The following SLIT3 variants were observed in gnomAD, a reference collection of about 807,000 sequenced individuals.
The protein encoded by SLIT3 is slit homolog 3 protein.
Under a neutral mutation model 184.0 loss-of-function variants are expected in SLIT3, and 68 were observed. That is an observed-to-expected ratio of 0.37 (90% confidence interval 0.30 to 0.45). The LOEUF (loss-of-function observed/expected upper bound fraction) is 0.45. Among genes scored for constraint, SLIT3 ranks in the 20% least tolerant of loss-of-function variants. The probability of loss-of-function intolerance (pLI) is 1.00; values close to 1 mark genes in which losing one functional copy is unlikely to be tolerated. For synonymous variants in SLIT3, 831 were observed against 828.6 expected (o/e 1.00, Z -0.05); for missense variants, 1,707 against 2,026.0 (o/e 0.84, Z 3.02).
rs779494640 is a variant in SLIT3, at chr5:168,671,292, A to G, written c.4033T>C (p.Ser1345Pro). The G allele has an allele frequency of 3.7e-6, 6 of 1,613,752 alleles. No homozygotes were observed. The East Asian group carries it at 1.3e-4, about 36-fold the overall frequency. ...CTVCKHGLCRSVEKDSVVCEC... is the reference protein window; with the variant it reads ...CTVCKHGLCRPVEKDSVVCEC... ...CACACCACGCTGTCCTTCTCCACGG[A>G]GCGGCACAGGCCGTGCTTGCACACG... Residue 1345 changes from serine (S) to proline (P), a missense_variant, in exon 34 of 36, where the codon TCC (serine) becomes CCC (proline). Ser to Pro is a moderately conservative substitution (Grantham distance 74). This residue lies in a region of SLIT3 where 387 missense variants were observed against 477.9 expected (regional missense o/e 0.81). Coordinates refer to ENST00000519560, the MANE Select transcript of SLIT3 (RefSeq NM_003062.4).
intron 1 of SLIT3, among the ~76,000 whole-genome samples, chr5:169,291,694 C>T (rs1170987961): frequency 6.6e-6 from 1 of 152,178 alleles, no homozygotes; most frequent in Non-Finnish European, 1.5e-5. Context: ...AAGTTGAACT[C>T]ATCATGTTTG....
chr5:168,921,979 T>G (rs568475950), intron 4 of SLIT3, among the ~76,000 whole-genome samples: 2 of 152,306 alleles, frequency 1.3e-5, no homozygotes, highest in East Asian at 3.9e-4. Flanking sequence ...TGCCATATCC[T>G]AAATGCATTA....
At chr5:169,271,577 T>C (rs78809458) in intron 1 of SLIT3, among the ~76,000 whole-genome samples, 9,732 of 152,168 alleles carry the variant, frequency 0.064, 523 homozygotes, top group Admixed American at 0.18. Flanking sequence ...GCAGGAACAA[T>C]TTCACCGCAA....
chr5:169,211,141 A>G (rs1764253149), intron 3 of SLIT3, among the ~76,000 whole-genome samples: 2 of 152,306 alleles, frequency 1.3e-5, no homozygotes, highest in South Asian at 4.1e-4. Flanking sequence ...AGCCCAGCTA[A>G]GACCATCTGA....
chr5:169,009,649 C>T (rs1756065370), intron 4 of SLIT3, among the ~76,000 whole-genome samples: 3 of 152,222 alleles, frequency 2.0e-5, no homozygotes, highest in Admixed American at 6.5e-5. Context: ...TACATCCTAA[C>T]GTCATGTTAA....
chr5:169,105,495 G>A (rs1453252249), intron 4 of SLIT3, among the ~76,000 whole-genome samples: 3 of 152,202 alleles, frequency 2.0e-5, no homozygotes, highest in African/African-American at 4.8e-5. Context: ...CTCGTCCAAA[G>A]TCACGCCAAG....
chr5:169,030,915 G>A (rs935327004), intron 4 of SLIT3, among the ~76,000 whole-genome samples: 1 of 152,130 alleles, frequency 6.6e-6, no homozygotes, highest in South Asian at 2.1e-4. Context: ...TTAGATATGT[G>A]GTTTTAAAAT....
At position 169,156,690 on chromosome 5, in the gene SLIT3, C is replaced by T. The variant is rs540234208; in HGVS notation, c.413+36789G>A. On this transcript the variant is annotated intron_variant, in intron 4 of 35. Coordinates refer to ENST00000519560, the MANE Select transcript of SLIT3 (RefSeq NM_003062.4). ...GTGCAAACCACCAGGTGGCTCAAGT[C>T]GCTCTGTCAGAACCATTGAGGTACC... 2.9e-3 allele frequency among the ~76,000 whole-genome samples: 444 copies of T among 152,326 alleles called. 1 individual carries two copies. The highest frequency in any genetic ancestry group is 0.01 in the African/African-American group (417 of 41,576).
intron 1 of SLIT3, among the ~76,000 whole-genome samples, chr5:169,257,135 G>A (rs187228697): frequency 1.3e-5 from 2 of 152,262 alleles, no homozygotes; most frequent in African/African-American, 4.8e-5. Context: ...GCATGTATGT[G>A]CAACCATGTG....
intron 4 of SLIT3, among the ~76,000 whole-genome samples, chr5:169,016,059 T>A (rs1250424953): frequency 2.0e-5 from 3 of 151,796 alleles, no homozygotes; most frequent in Admixed American, 6.6e-5. Context: ...TCAAATCTCC[T>A]TCGTCTGCCT....
chr5:168,832,130 A>T (rs1240619940), intron 6 of SLIT3, among the ~76,000 whole-genome samples: 1 of 152,234 alleles, frequency 6.6e-6, no homozygotes, highest in Non-Finnish European at 1.5e-5. Context: ...GACCATGTGA[A>T]TGAGATGGCC....
intron 4 of SLIT3, among the ~76,000 whole-genome samples, chr5:169,189,526 GGATATATATATATA>G (rs1237491553): frequency 2.1e-4 from 18 of 86,124 alleles, no homozygotes; most frequent in East Asian, 1.1e-3. Context: ...TAGATAGATG[GGATATATATATATA>G]TATATATATA....
chr5:169,140,909 C>A (rs576256992), intron 4 of SLIT3, among the ~76,000 whole-genome samples: 32 of 152,322 alleles, frequency 2.1e-4, no homozygotes, highest in African/African-American at 7.2e-4. Context: ...CTCTTTAAAT[C>A]TGGCCATCAC....
At chr5:169,008,084 G>A (rs1755998418) in intron 4 of SLIT3, among the ~76,000 whole-genome samples, 1 of 152,190 alleles carries the variant, frequency 6.6e-6, no homozygotes, top group Non-Finnish European at 1.5e-5. Context: ...GCTCTATGTG[G>A]CTCTTGGTGA....
chr5:168,772,569 ATT>A, intron 14 of SLIT3: 109 of 541,074 alleles, frequency 2.0e-4, no homozygotes, highest in Non-Finnish European at 2.9e-4. Flanking sequence ...CCATGCTTTT[ATT>A]GTGTGTGTGT....
intron 1 of SLIT3, among the ~76,000 whole-genome samples, chr5:169,272,680 C>T (rs1039495128): frequency 3.9e-4 from 59 of 152,266 alleles, no homozygotes; most frequent in Non-Finnish European, 6.5e-4. Flanking sequence ...AAGCACTCAC[C>T]CCATCATCCC....
At chr5:169,137,503 A>G (rs1227113479) in intron 4 of SLIT3, among the ~76,000 whole-genome samples, 1 of 151,922 alleles carries the variant, frequency 6.6e-6, no homozygotes, top group African/African-American at 2.4e-5. Flanking sequence ...CCTGGATCTT[A>G]GACCACCTTC....
In SLIT3 at chr5:168,770,748, C is replaced by G. The variant is rs1460817800; in HGVS notation, c.1459+2033G>C. 2.0e-5 allele frequency among the ~76,000 whole-genome samples: 3 copies of G among 152,106 alleles called. No individual in the cohort carries two copies. The South Asian group carries it at 6.2e-4, about 32-fold the overall frequency. On this transcript the variant is annotated intron_variant, in intron 14 of 35. Coordinates refer to ENST00000519560, the MANE Select transcript of SLIT3 (RefSeq NM_003062.4). ...TTTAAAATGTTCAGCTTCCCCTCCC[C>G]CACATAGGAAAAGCAGCCAGGATCC...
At chr5:169,284,350 C>T (rs771704357) in intron 1 of SLIT3, among the ~76,000 whole-genome samples, 6 of 152,200 alleles carry the variant, frequency 3.9e-5, no homozygotes, top group Non-Finnish European at 8.8e-5. Context: ...TTCTCTATCC[C>T]ATGAGGGTAT....
Sources: allele counts gnomAD v4.1 joint callset (sites outside exome capture counted in the v4.1 genomes callset), GRCh38; gene constraint gnomAD v4.1.1; regional missense constraint gnomAD v4.1.1; transcripts MANE v1.5; gene names NCBI Gene and HGNC (gene_info 2026-07-23, HGNC 2026-07-21).